The following RAB11FIP3 variants were observed in gnomAD, a reference collection of about 807,000 sequenced individuals.
RAB11FIP3 encodes RAB11 family interacting protein 3.
In RAB11FIP3, 17 loss-of-function variants were observed where a neutral mutation model predicts 77.8. The observed-to-expected ratio is 0.22, with a 90% CI of 0.15 to 0.33. RAB11FIP3 has a LOEUF of 0.33. Among genes scored for constraint, RAB11FIP3 ranks in the 10% least tolerant of loss-of-function variants. The pLI is 1.00. For missense variants in RAB11FIP3, 1,005 were observed against 1,011.2 expected, an observed-to-expected ratio of 0.99 and a Z score of 0.08; for synonymous variants, 437 against 448.2, an observed-to-expected ratio of 0.98 and a Z score of 0.31.
chr16:501,185 G>A (rs1422763631), intron 6 of RAB11FIP3, among the ~76,000 whole-genome samples: 1 of 152,272 alleles, frequency 6.6e-6, no homozygotes, highest in African/African-American at 2.4e-5. Context: ...GACATTTTCA[G>A]TGGAAAAATA....
intron 1 of RAB11FIP3, among the ~76,000 whole-genome samples, chr16:457,046 A>T (rs2055516153): frequency 6.6e-6 from 1 of 152,038 alleles, no homozygotes; most frequent in African/African-American, 2.4e-5. Context: ...CATTTTGCTT[A>T]TTATTGCTGT....
chr16:435,335 T>C (rs1255163537), intron 1 of RAB11FIP3, among the ~76,000 whole-genome samples: 1 of 152,196 alleles, frequency 6.6e-6, no homozygotes, highest in Non-Finnish European at 1.5e-5. Flanking sequence ...TTGCTTCTCT[T>C]CCAAGCACTT....
At chr16:502,040 G>C (rs1159511659) in intron 6 of RAB11FIP3, among the ~76,000 whole-genome samples, 1 of 152,256 alleles carries the variant, frequency 6.6e-6, no homozygotes, top group Non-Finnish European at 1.5e-5. Flanking sequence ...GCTTTTTAAC[G>C]GTCACGCAGT....
chr16:433,490 C>G lies in RAB11FIP3; in HGVS notation c.714+6770C>G, dbSNP rs375018504. Among the ~76,000 whole-genome samples the G allele has an allele frequency of 7.2e-4, 110 of 152,100 alleles. 2 individuals carry two copies. The highest frequency in any genetic ancestry group is 6.2e-3 in the South Asian group (30 of 4,810). ...TCTCTGCCTGTCTTACTTGACTTCA[C>G]ATAATGACCTCCATTTCCTTCCACG... is the stretch of plus-strand genomic sequence containing the variant. On this transcript the variant is annotated intron_variant, in intron 1 of 13. Transcript: ENST00000262305.
At chr16:517,493 G>A (rs1336233354) in intron 9 of RAB11FIP3, among the ~76,000 whole-genome samples, 3 of 152,104 alleles carry the variant, frequency 2.0e-5, no homozygotes, top group Admixed American at 6.5e-5. Flanking sequence ...TCCTGAGCCC[G>A]GGAGGTCGGG....
chr16:502,892 C>A, intron 6 of RAB11FIP3, 112 bp from the exon 7 acceptor site: 1 of 851,072 alleles, frequency 1.2e-6, no homozygotes, highest in Non-Finnish European at 2.0e-6. Flanking sequence ...GAGGACCTGT[C>A]CCCTGCAATG....
intron 7 of RAB11FIP3, among the ~76,000 whole-genome samples, chr16:504,928 CTCTCT>C (rs2031791677): frequency 1.3e-5 from 1 of 77,796 alleles, no homozygotes; most frequent in Admixed American, 1.4e-4. Context: ...TCCTCCTGTA[CTCTCT>C]CACCTCCTCC....
chr16:510,828 C>T, intron 9 of RAB11FIP3, 28 bp downstream of exon 9: 1 of 1,608,972 alleles, frequency 6.2e-7, no homozygotes, highest in Admixed American at 1.7e-5. Context: ...GCCCATCCAC[C>T]CCAGAACCTG....
intron 3 of RAB11FIP3, chr16:475,145 G>A: frequency 6.6e-7 from 1 of 1,513,684 alleles, no homozygotes; most frequent in Non-Finnish European, 8.9e-7. Context: ...TCCTATTTCT[G>A]TGGTGGAGAG....
chr16:455,741 A>T (rs1415153483), intron 1 of RAB11FIP3, among the ~76,000 whole-genome samples: 2 of 152,040 alleles, frequency 1.3e-5, no homozygotes, highest in African/African-American at 4.8e-5. Context: ...AACTACTGGC[A>T]CGTGGACCGA....
chr16:437,693 C>T (rs1299778016), intron 1 of RAB11FIP3, among the ~76,000 whole-genome samples: 1 of 151,918 alleles, frequency 6.6e-6, no homozygotes, highest in East Asian at 1.9e-4. Flanking sequence ...TTATAGACAT[C>T]AGAACATCAC....
At chr16:501,369 G>T (rs2031504518) in intron 6 of RAB11FIP3, among the ~76,000 whole-genome samples, 1 of 150,704 alleles carries the variant, frequency 6.6e-6, no homozygotes, top group East Asian at 2.0e-4. Flanking sequence ...CCATTTCATA[G>T]GCAAGGAAGC....
At chr16:477,230 G>A (rs920524407) in intron 3 of RAB11FIP3, among the ~76,000 whole-genome samples, 15 of 152,124 alleles carry the variant, frequency 9.9e-5, no homozygotes, top group African/African-American at 2.7e-4. Flanking sequence ...CTCCAGCCTC[G>A]GCGACAAGAG....
intron 1 of RAB11FIP3, among the ~76,000 whole-genome samples, chr16:458,180 G>C (rs188892285): frequency 6.6e-6 from 1 of 152,364 alleles, no homozygotes; most frequent in East Asian, 1.9e-4. Flanking sequence ...GGCCAGCCAC[G>C]GGGGCCCGGG....
Position 519,873 on chromosome 16 carries a change from CA to C in RAB11FIP3, c.1844del (p.Lys615ArgfsTer7). The C allele has an allele frequency of 6.3e-7, 1 of 1,591,986 alleles. No individual in the cohort carries two copies. Among genetic ancestry groups the C allele is most frequent in the Non-Finnish European group, 8.6e-7 (1 of 1,169,376 alleles). ...SHERHQFQRD[K>X]EATQELIEDL... ...ACGAGAGGCACCAGTTCCAGAGGGA[CA>C]AGGAGGCCACCCAGGAGGTGAGCAC... On this transcript the variant is annotated frameshift_variant, in exon 11 of 14. Transcript: ENST00000262305. LOFTEE classifies it high-confidence loss of function.
At position 461,323 on chromosome 16, in the gene RAB11FIP3, A is replaced by G; in HGVS notation, c.715-81A>G. ...CCGTTCCCAGCAGGCCACACACCAG[A>G]TCTCTCCCAGTCCGAGGTCCAGGGT... On this transcript the variant is annotated intron_variant, in intron 1 of 13. Coordinates refer to ENST00000262305, the MANE Select transcript of RAB11FIP3 (RefSeq NM_014700.4). This position sits in a 1 kb window ranked among gnomAD's most constrained non-coding sequence, Gnocchi z 4.5. 6.4e-6 allele frequency: 7 copies of G among 1,102,048 alleles called. No individual in the cohort carries two copies. Among genetic ancestry groups the G allele is most frequent in the Non-Finnish European group, 9.3e-6 (7 of 749,208 alleles). The allele number at this position is 1,102,048 out of a possible 1,614,324, so 68.3% of individuals were successfully genotyped here. A position where few individuals can be genotyped will look rare whatever the true frequency, so the allele number is the denominator to read the frequency against.
chr16:487,418 G>C (rs573880428), intron 4 of RAB11FIP3, among the ~76,000 whole-genome samples: 48 of 152,282 alleles, frequency 3.2e-4, no homozygotes, highest in Non-Finnish European at 5.4e-4. Flanking sequence ...CACCGCCCCC[G>C]GCCCTGGTTT....
chr16:488,730 C>G, intron 4 of RAB11FIP3, 121 bp from the exon 5 acceptor site: 1 of 736,210 alleles, frequency 1.4e-6, no homozygotes, highest in Non-Finnish European at 1.9e-6. Context: ...TTTTTTTAAA[C>G]GTGGCTCCCA....
At position 485,704 on chromosome 16, in the gene RAB11FIP3, C is replaced by T. The variant is rs2056140498; in HGVS notation, c.1115+2968C>T. Among the ~76,000 whole-genome samples, 5 of 152,182 alleles carry T rather than the reference C, an allele frequency of 3.3e-5. No individual in the cohort carries two copies. In the South Asian group the frequency reaches 1.0e-3, roughly 32 times the overall value. On this transcript the variant is annotated intron_variant, in intron 4 of 13. Coordinates refer to ENST00000262305, the MANE Select transcript of RAB11FIP3 (RefSeq NM_014700.4). ...GGGATTACAGGCATGAGCCACAGCCCCTGGCCAGAACAGATGTTTTTAATT... is the reference window on the plus strand; with the variant it reads ...GGGATTACAGGCATGAGCCACAGCCTCTGGCCAGAACAGATGTTTTTAATT...
Sources: allele counts gnomAD v4.1 joint callset (sites outside exome capture counted in the v4.1 genomes callset), GRCh38; gene constraint gnomAD v4.1.1; non-coding constraint Gnocchi (gnomAD v3.1); transcripts MANE v1.5; gene names NCBI Gene and HGNC (gene_info 2026-07-23, HGNC 2026-07-21).